Variants in TRIT1 observed in about 807,000 individuals in gnomAD.
TRIT1 encodes tRNA isopentenyltransferase 1, also known as tRNA dimethylallyltransferase.
Under a neutral mutation model 51.2 loss-of-function variants are expected in TRIT1, and 43 were observed. The observed-to-expected ratio is 0.84, with a 90% confidence interval of 0.66 to 1.08. The LOEUF (loss-of-function observed/expected upper bound fraction) is 1.08. Ranked by LOEUF, TRIT1 falls within the 50% of genes least tolerant of loss-of-function variation. TRIT1 has a pLI of 0.00. For synonymous variants in TRIT1, 184 were observed against 203.9 expected, an observed-to-expected ratio of 0.90 and a Z score of 0.83; for missense variants, 528 against 578.4, an observed-to-expected ratio of 0.91 and a Z score of 0.89.
rs771005334 is a variant in TRIT1 at position 39,844,619 on chromosome 1, G to A, written c.1028C>T (p.Pro343Leu). Residue 343 changes from proline (P) to leucine (L), a missense_variant, in exon 9 of 11, where the codon CCT (proline) becomes CTT (leucine). Physicochemically the swap from Pro to Leu is moderately conservative, Grantham distance 98 (BLOSUM62 -3). Transcript: ENST00000316891. ...ATCAGATACCTCTAAGCCATAGACA[G>A]GGGGGACAATGGGACCAGGTCCTAA... is the stretch of plus-strand genomic sequence containing the variant. ...FLSRPGPIVP[P>L]VYGLEVSDVS... is the part of the protein sequence containing the mutation. 1 of 1,612,994 alleles carries A rather than the reference G, an allele frequency of 6.2e-7. No homozygotes were observed. Among genetic ancestry groups the A allele is most frequent in the Non-Finnish European group, 8.5e-7 (1 of 1,179,098 alleles).
intron 8 of TRIT1, chr1:39,846,914 A>C (rs751643262): frequency 8.1e-6 from 2 of 247,598 alleles, no homozygotes; most frequent in Non-Finnish European, 1.5e-5. Flanking sequence ...ACAAAACTGA[A>C]GCTAAAAATC....
chr1:39,839,318 G>A lies in TRIT1; in HGVS notation c.*2426C>T, dbSNP rs1044808037. On this transcript the variant is annotated 3_prime_UTR_variant, in exon 11 of 11. Coordinates refer to ENST00000316891, the MANE Select transcript of TRIT1 (RefSeq NM_017646.6). ...CTTTTCAGCTCTCAAATGAGATTTG[G>A]TATGAGATTTAGTAATAGAGTAAGA... Among the ~76,000 whole-genome samples, 4 of 152,148 alleles carry A rather than the reference G, an allele frequency of 2.6e-5. No individual in the cohort carries two copies. Among genetic ancestry groups the A allele is most frequent in the African/African-American group, 9.7e-5 (4 of 41,420 alleles).
chr1:39,871,719 G>A (rs906158860), intron 1 of TRIT1, among the ~76,000 whole-genome samples: 1 of 152,198 alleles, frequency 6.6e-6, no homozygotes, highest in African/African-American at 2.4e-5. Flanking sequence ...AAACAGGTAA[G>A]TTGTTGCCAG....
chr1:39,841,983 G>T, intron 10 of TRIT1, 70 bp from the exon 11 acceptor site: 1 of 1,502,314 alleles, frequency 6.7e-7, no homozygotes, highest in Middle Eastern at 1.8e-4. Context: ...AATCCTAGAA[G>T]CAAGTAAAAT....
intron 1 of TRIT1, among the ~76,000 whole-genome samples, chr1:39,866,549 T>A (rs1010660349): frequency 1.3e-5 from 2 of 152,220 alleles, no homozygotes; most frequent in Admixed American, 6.5e-5. Context: ...AAACTTTTTT[T>A]AAACATAACT....
Position 39,853,242 on chromosome 1 carries a change from G to A in TRIT1, c.415-366C>T, listed in dbSNP as rs545538604. 1.2e-4 allele frequency among the ~76,000 whole-genome samples: 18 copies of A among 152,250 alleles called. 1 individual carries two copies. Among genetic ancestry groups the A allele is most frequent in the Admixed American group, 5.9e-4 (9 of 15,288 alleles). ...AGTTTACACAGTCTTACCCTACATAGTAGCACCTACGTAAATAAGGTCAGT... is the reference window on the plus strand; with the variant it reads ...AGTTTACACAGTCTTACCCTACATAATAGCACCTACGTAAATAAGGTCAGT... On this transcript the variant is annotated intron_variant, in intron 3 of 10. Transcript: ENST00000316891.
At position 39,844,248 on chromosome 1, in the gene TRIT1, C is replaced by A. The variant is rs765777986; in HGVS notation, c.1117-30G>T. On this transcript the variant is annotated intron_variant, in intron 9 of 10. Coordinates refer to ENST00000316891, the MANE Select transcript of TRIT1 (RefSeq NM_017646.6). ...AAGAACAAGGGTGGAAGGGAGTATT[C>A]AATTCAAAGAGATCTGGATATAATT... The A allele has an allele frequency of 2.0e-6, 3 of 1,515,784 alleles. No homozygotes were observed. The South Asian group carries it at 3.4e-5, about 17-fold the overall frequency. 93.9% of individuals were successfully genotyped at this position (1,515,784 alleles called of 1,614,324 possible).
chr1:39,868,236 G>T (rs894495158), intron 1 of TRIT1, among the ~76,000 whole-genome samples: 1 of 152,008 alleles, frequency 6.6e-6, no homozygotes, highest in Non-Finnish European at 1.5e-5. Flanking sequence ...TAAAAATGTA[G>T]AACTTTTGCT....
intron 1 of TRIT1, among the ~76,000 whole-genome samples, chr1:39,880,818 A>G (rs199910364): frequency 1.5e-5 from 2 of 135,906 alleles, no homozygotes; most frequent in Non-Finnish European, 3.2e-5. Flanking sequence ...AAGAAAAGAA[A>G]AAAGATAGAA....
chr1:39,857,025 T>A (rs1466350493), intron 2 of TRIT1, among the ~76,000 whole-genome samples: 1 of 152,186 alleles, frequency 6.6e-6, no homozygotes, highest in Non-Finnish European at 1.5e-5. Context: ...ATTCAGTAGG[T>A]CTGGAGTGGG....
intron 1 of TRIT1, among the ~76,000 whole-genome samples, chr1:39,858,923 T>C (rs1346864823): frequency 6.6e-6 from 1 of 151,970 alleles, no homozygotes; most frequent in Non-Finnish European, 1.5e-5. Flanking sequence ...GGTCATATGG[T>C]TATTATACAC....
intron 1 of TRIT1, among the ~76,000 whole-genome samples, chr1:39,876,394 A>G (rs957146956): frequency 6.6e-6 from 1 of 152,150 alleles, no homozygotes; most frequent in African/African-American, 2.4e-5. Flanking sequence ...TTTGACTCCA[A>G]AGTTCTCCCT....
At chr1:39,844,395 G>A (rs1181763406) in intron 9 of TRIT1, 136 bp downstream of exon 9, 2 of 841,314 alleles carry the variant, frequency 2.4e-6, no homozygotes, top group Non-Finnish European at 3.8e-6. Context: ...CAGTCTCCAG[G>A]TATTAAAAAG....
intron 2 of TRIT1, among the ~76,000 whole-genome samples, chr1:39,856,514 G>C (rs1051887560): frequency 6.7e-6 from 1 of 148,404 alleles, no homozygotes; most frequent in Non-Finnish European, 1.5e-5. Context: ...AAAAATTCAC[G>C]TACCTCCATT....
In TRIT1 at chr1:39,854,008, T is replaced by C. The variant is rs1642748024; in HGVS notation, c.376A>G (p.Ile126Val). ...PIVVGGTNYY[I>V]ESLLWKVLVN... ...AGAACTTTCCAGAGCAGAGATTCAA[T>C]GTAATAATTGGTTCCTCCCACAACA... The change falls in exon 3 of 11, where the codon ATT becomes GTT. Residue 126 changes from isoleucine (I) to valine (V), a missense_variant. Physicochemically the swap from Ile to Val is conservative, Grantham distance 29. Around this residue, in one of 3 missense-constraint regions of TRIT1, gnomAD observed 468 missense variants for 522.6 expected, o/e 0.90. Transcript: ENST00000316891. 2 of 1,613,620 alleles carry C rather than the reference T, an allele frequency of 1.2e-6. No individual in the cohort carries two copies. The highest frequency in any genetic ancestry group is 1.7e-6 in the Non-Finnish European group (2 of 1,179,860).
rs968665153 is a variant in TRIT1, at chr1:39,842,462, AG to A, written c.1235-550del. 9.0e-4 allele frequency among the ~76,000 whole-genome samples: 137 copies of A among 152,190 alleles called. 1 individual carries two copies. The highest frequency in any genetic ancestry group is 3.2e-3 in the African/African-American group (131 of 41,546). Reference sequence around the variant, plus strand: ...TGGCATCCCTGTGCCTGGGTCAAAAAGGTCATGTGAACGACTCTCTGGCAAG... The same window carrying A: ...TGGCATCCCTGTGCCTGGGTCAAAAAGTCATGTGAACGACTCTCTGGCAAG... On this transcript the variant is annotated intron_variant, in intron 10 of 10. Transcript: ENST00000316891.
chr1:39,854,155 T>TCTG (rs1642758910), intron 2 of TRIT1, 87 bp from the exon 3 acceptor site: 1 of 983,552 alleles, frequency 1.0e-6, no homozygotes, highest in Non-Finnish European at 1.5e-6. Flanking sequence ...CATTCATTTA[T>TCTG]CTGCAGAGCA....
intron 5 of TRIT1, 93 bp downstream of exon 5, chr1:39,850,026 T>C: frequency 7.3e-7 from 1 of 1,375,184 alleles, no homozygotes; most frequent in Non-Finnish European, 1.0e-6. Flanking sequence ...GTGTTTATTA[T>C]GAGCCACCCA....
chr1:39,843,515 G>A (rs1452770977), intron 10 of TRIT1, among the ~76,000 whole-genome samples: 1 of 152,082 alleles, frequency 6.6e-6, no homozygotes, highest in Non-Finnish European at 1.5e-5. Context: ...AGGTGGTGGG[G>A]AACTAACCTT....
Sources: gnomAD v4.1 joint callset for allele counts (sites outside exome capture counted in the v4.1 genomes callset) on GRCh38, gnomAD v4.1.1 for gene constraint, gnomAD v4.1.1 regional missense constraint, MANE v1.5 for transcripts, NCBI Gene and HGNC (gene_info 2026-07-23, HGNC 2026-07-21) for gene names.